The following SUGCT variants were observed in gnomAD, a reference collection of about 807,000 sequenced individuals.
SUGCT encodes the protein succinyl-CoA:glutarate CoA-transferase.
Under a neutral mutation model 55.0 loss-of-function variants are expected in SUGCT, and 41 were observed. The observed-to-expected ratio is 0.74, with a 90% CI of 0.58 to 0.97. The LOEUF (loss-of-function observed/expected upper bound fraction) is 0.97, where lower values mean the gene tolerates loss of function less well. Among genes scored for constraint, SUGCT ranks in the 50% least tolerant of loss-of-function variants. SUGCT has a pLI of 0.00. For synonymous variants in SUGCT, 187 were observed against 200.4 expected (o/e 0.93, Z 0.56); for missense variants, 568 against 547.8 (o/e 1.04, Z -0.37).
At chr7:40,934,671 G>A in the SUGCT span, among the ~76,000 whole-genome samples, 1 of 90 alleles carries the variant, frequency 0.011, no homozygotes, top group Admixed American at 0.12. Context: ...CCTCCACCAG[G>A]CTGCAGCTTG....
At chr7:40,570,835 C>A (rs536955237) in intron 12 of SUGCT, among the ~76,000 whole-genome samples, 1 of 129,982 alleles carries the variant, frequency 7.7e-6, no homozygotes, top group African/African-American at 3.2e-5. Flanking sequence ...CCCCTCTGGG[C>A]AAAAGCTTTA....
chr7:40,984,356 A>AT, the SUGCT span, among the ~76,000 whole-genome samples: 1 of 152,038 alleles, frequency 6.6e-6, no homozygotes, highest in Non-Finnish European at 1.5e-5. Context: ...CCTAACTGCA[A>AT]CCCTCTAAAA....
chr7:40,595,548 A>T (rs1335615993), intron 12 of SUGCT, among the ~76,000 whole-genome samples: 1 of 152,142 alleles, frequency 6.6e-6, no homozygotes. Context: ...GGCATGGAAA[A>T]AGAGAAGCTT....
intron 12 of SUGCT, among the ~76,000 whole-genome samples, chr7:40,537,186 T>C (rs1438724781): frequency 6.6e-6 from 1 of 152,188 alleles, no homozygotes; most frequent in African/African-American, 2.4e-5. Context: ...AGTTTCATAT[T>C]GTACACCTGT....
the SUGCT span, among the ~76,000 whole-genome samples, chr7:40,924,622 A>G: frequency 1.3e-5 from 2 of 152,160 alleles, no homozygotes; most frequent in East Asian, 3.9e-4. Context: ...CCCATCAGTC[A>G]TCAGCATGGA....
intron 12 of SUGCT, among the ~76,000 whole-genome samples, chr7:40,691,017 T>G (rs1242815654): frequency 1.3e-5 from 2 of 152,208 alleles, no homozygotes; most frequent in Non-Finnish European, 2.9e-5. Flanking sequence ...TTGGGCCTTT[T>G]GCACTTGGCT....
At chr7:40,849,295 TATTA>T (rs1240931704) in intron 13 of SUGCT, among the ~76,000 whole-genome samples, 1 of 152,246 alleles carries the variant, frequency 6.6e-6, no homozygotes, top group African/African-American at 2.4e-5. Flanking sequence ...TATTAAATTT[TATTA>T]ATTCTTATTT....
At chr7:40,427,608 G>C (rs917157402) in intron 9 of SUGCT, among the ~76,000 whole-genome samples, 1 of 152,084 alleles carries the variant, frequency 6.6e-6, no homozygotes, top group Non-Finnish European at 1.5e-5. Flanking sequence ...GTTCCACCTC[G>C]GTTTTTATTT....
At chr7:40,867,199 C>T in the SUGCT span, among the ~76,000 whole-genome samples, 2 of 149,090 alleles carry the variant, frequency 1.3e-5, no homozygotes, top group African/African-American at 4.9e-5. Context: ...ATATTTATGT[C>T]TCTATACCAC....
At chr7:40,384,095 T>A (rs1312485648) in intron 9 of SUGCT, among the ~76,000 whole-genome samples, 1 of 152,058 alleles carries the variant, frequency 6.6e-6, no homozygotes, top group Non-Finnish European at 1.5e-5. Context: ...TAGTGGGAAA[T>A]AGATTTGAAA....
intron 11 of SUGCT, among the ~76,000 whole-genome samples, chr7:40,477,351 G>C (rs1335329589): frequency 1.3e-5 from 2 of 152,092 alleles, no homozygotes; most frequent in Admixed American, 1.3e-4. Context: ...TGGGGAGTTG[G>C]AGTCTTATTT....
intron 9 of SUGCT, among the ~76,000 whole-genome samples, chr7:40,397,953 C>G (rs941291474): frequency 1.3e-4 from 20 of 152,300 alleles, no homozygotes; most frequent in African/African-American, 4.3e-4. Context: ...TGAGGTCTTG[C>G]TTTCAAATCA....
chr7:40,534,649 C>T (rs1583917823), intron 12 of SUGCT, among the ~76,000 whole-genome samples: 1 of 152,268 alleles, frequency 6.6e-6, no homozygotes, highest in Non-Finnish European at 1.5e-5. Flanking sequence ...GAACTCCTGA[C>T]CTTAGGTGAT....
intron 9 of SUGCT, among the ~76,000 whole-genome samples, chr7:40,384,203 G>A (rs1187922500): frequency 6.6e-6 from 1 of 152,118 alleles, no homozygotes; most frequent in African/African-American, 2.4e-5. Context: ...GTTGTTCAAT[G>A]GTAAGTGCAT....
At chr7:40,603,608 CT>C (rs2151757862) in intron 12 of SUGCT, among the ~76,000 whole-genome samples, 1 of 152,194 alleles carries the variant, frequency 6.6e-6, no homozygotes, top group Admixed American at 6.5e-5. Flanking sequence ...GGTTCTCAGC[CT>C]TATGGTCTGC....
At chr7:40,568,013 C>G (rs56145015) in intron 12 of SUGCT, among the ~76,000 whole-genome samples, 1 of 152,078 alleles carries the variant, frequency 6.6e-6, no homozygotes, top group Admixed American at 6.5e-5. Flanking sequence ...ATGAATGATT[C>G]CATTTGAGTC....
intron 9 of SUGCT, among the ~76,000 whole-genome samples, chr7:40,355,235 A>C (rs565031243): frequency 4.6e-5 from 7 of 152,330 alleles, no homozygotes; most frequent in Admixed American, 1.3e-4. Flanking sequence ...CCAGTGGGTT[A>C]GGTGTCCACT....
chr7:40,375,618 A>G (rs1365981071), intron 9 of SUGCT, among the ~76,000 whole-genome samples: 1 of 152,156 alleles, frequency 6.6e-6, no homozygotes, highest in Non-Finnish European at 1.5e-5. Context: ...CTCATTTGAG[A>G]GATTGTCCCA....
chr7:40,724,879 G>A (rs1298511560), intron 12 of SUGCT, among the ~76,000 whole-genome samples: 1 of 152,090 alleles, frequency 6.6e-6, no homozygotes, highest in East Asian at 1.9e-4. Flanking sequence ...TAAGGTTTGA[G>A]GAAACAAAAA....
Sources: gnomAD v4.1 joint callset for allele counts (sites outside exome capture counted in the v4.1 genomes callset) on GRCh38, gnomAD v4.1.1 for gene constraint, MANE v1.5 for transcripts, NCBI Gene and HGNC (gene_info 2026-07-23, HGNC 2026-07-21) for gene names.